The following DLG2 variants were observed in gnomAD, a reference collection of about 807,000 sequenced individuals.
DLG2 encodes discs large MAGUK scaffold protein 2.
Under a neutral mutation model 132.5 loss-of-function variants are expected in DLG2, and 45 were observed. That is an observed-to-expected ratio of 0.34 (90% confidence interval 0.27 to 0.44). The LOEUF (loss-of-function observed/expected upper bound fraction) is 0.44, where lower values mean the gene tolerates loss of function less well. Among genes scored for constraint, DLG2 ranks in the 20% least tolerant of loss-of-function variants. The pLI is 1.00. For synonymous variants in DLG2, 424 were observed against 419.6 expected, an observed-to-expected ratio of 1.01 and a Z score of -0.13; for missense variants, 1,045 against 1,196.9, an observed-to-expected ratio of 0.87 and a Z score of 1.87.
intron 6 of DLG2, among the ~76,000 whole-genome samples, chr11:84,986,196 A>G (rs116851856): frequency 0.02 from 2,982 of 152,142 alleles, 54 homozygotes; most frequent in Admixed American, 0.042. Context: ...ATAAACTAGA[A>G]AACCTAGAGA....
chr11:84,922,702 G>A (rs1342676181), intron 6 of DLG2, among the ~76,000 whole-genome samples: 2 of 152,094 alleles, frequency 1.3e-5, no homozygotes, highest in Non-Finnish European at 2.9e-5. Flanking sequence ...AACACAGGAA[G>A]CTCACAGCAC....
At chr11:85,416,826 C>T (rs995159521) in intron 3 of DLG2, among the ~76,000 whole-genome samples, 2 of 152,136 alleles carry the variant, frequency 1.3e-5, no homozygotes, top group African/African-American at 2.4e-5. Context: ...TGCTTATGAG[C>T]ATAAAGAGCT....
At chr11:83,977,495 T>G (rs906580022) in intron 12 of DLG2, among the ~76,000 whole-genome samples, 1 of 152,198 alleles carries the variant, frequency 6.6e-6, no homozygotes, top group Admixed American at 6.6e-5. Flanking sequence ...TGTTTGCACA[T>G]ACACCAAGGA....
intron 10 of DLG2, among the ~76,000 whole-genome samples, chr11:84,076,687 C>A (rs1004803606): frequency 6.6e-6 from 1 of 152,300 alleles, no homozygotes; most frequent in Non-Finnish European, 1.5e-5. Flanking sequence ...ACTGCCCCTT[C>A]CAGAAGTTAG....
chr11:83,486,240 A>T (rs2093493422), intron 21 of DLG2: 3 of 690,974 alleles, frequency 4.3e-6, no homozygotes, highest in Non-Finnish European at 7.9e-6. Context: ...AAGCATATTT[A>T]AACTCCAGTA....
At chr11:83,994,396 A>T (rs1425732911) in intron 11 of DLG2, among the ~76,000 whole-genome samples, 2 of 152,058 alleles carry the variant, frequency 1.3e-5, no homozygotes, top group Non-Finnish European at 2.9e-5. Flanking sequence ...TTGAAAACTA[A>T]TTTTTTATTT....
chr11:85,111,822 T>C, intron 5 of DLG2, 87 bp from the exon 6 acceptor site: 1 of 969,704 alleles, frequency 1.0e-6, no homozygotes. Context: ...TATCAATATG[T>C]TTATTACCTT....
intron 22 of DLG2, chr11:83,480,304 T>C: frequency 8.0e-7 from 1 of 1,253,002 alleles, no homozygotes; most frequent in Non-Finnish European, 1.1e-6. Context: ...AACAGAAATC[T>C]GAAATGACCA....
At chr11:83,719,095 C>A (rs943036347) in intron 18 of DLG2, among the ~76,000 whole-genome samples, 5 of 152,186 alleles carry the variant, frequency 3.3e-5, no homozygotes, top group Non-Finnish European at 5.9e-5. Context: ...CCCTGCACAG[C>A]CAGAACTGAG....
intron 6 of DLG2, among the ~76,000 whole-genome samples, chr11:84,958,054 G>A (rs921437828): frequency 6.6e-6 from 1 of 152,016 alleles, no homozygotes; most frequent in Non-Finnish European, 1.5e-5. Context: ...TTTCTGGGGT[G>A]TTATAAAAAT....
At chr11:83,475,139 C>T (rs897140114) in intron 22 of DLG2, among the ~76,000 whole-genome samples, 1 of 152,112 alleles carries the variant, frequency 6.6e-6, no homozygotes, top group Non-Finnish European at 1.5e-5. Flanking sequence ...CTGTGTAATA[C>T]CCAGGAAGCC....
intron 21 of DLG2, among the ~76,000 whole-genome samples, chr11:83,498,875 A>G (rs1183241643): frequency 1.3e-5 from 2 of 152,024 alleles, no homozygotes; most frequent in Admixed American, 1.3e-4. Context: ...AAAAGAAGAG[A>G]TATTATTATT....
intron 15 of DLG2, among the ~76,000 whole-genome samples, chr11:83,875,485 T>C (rs991792623): frequency 6.6e-6 from 1 of 152,148 alleles, no homozygotes; most frequent in African/African-American, 2.4e-5. Flanking sequence ...TCTAGAGTCA[T>C]TTTAAATTCT....
chr11:84,957,578 C>G (rs1358338748), intron 6 of DLG2, among the ~76,000 whole-genome samples: 1 of 152,128 alleles, frequency 6.6e-6, no homozygotes, highest in African/African-American at 2.4e-5. Flanking sequence ...GTTTTCCTCA[C>G]CCTCTCAGGC....
At chr11:83,513,745 A>T in intron 21 of DLG2, among the ~76,000 whole-genome samples, 1 of 152,188 alleles carries the variant, frequency 6.6e-6, no homozygotes, top group East Asian at 1.9e-4. Flanking sequence ...CTTTCTACAT[A>T]TGGCTAGCCA....
chr11:84,533,237 G>C (rs2099347097), intron 7 of DLG2, among the ~76,000 whole-genome samples: 1 of 152,192 alleles, frequency 6.6e-6, no homozygotes, highest in Non-Finnish European at 1.5e-5. Context: ...TATGCACAGT[G>C]GATCTGCTTC....
At chr11:84,051,929 G>A (rs775612925) in intron 11 of DLG2, among the ~76,000 whole-genome samples, 4 of 151,736 alleles carry the variant, frequency 2.6e-5, no homozygotes, top group African/African-American at 4.8e-5. Context: ...AAAAAAGGAC[G>A]TCCAAGGCCT....
intron 9 of DLG2, among the ~76,000 whole-genome samples, chr11:84,152,340 G>T (rs1266957246): frequency 2.0e-5 from 3 of 148,422 alleles, no homozygotes; most frequent in African/African-American, 4.9e-5. Context: ...CTGTTTGTTT[G>T]TTTGTTTTTT....
At chr11:85,406,438 G>C (rs986480722) in intron 3 of DLG2, among the ~76,000 whole-genome samples, 1 of 149,792 alleles carries the variant, frequency 6.7e-6, no homozygotes, top group Admixed American at 6.7e-5. Context: ...AATACTGAAA[G>C]CACATTCAAA....
Sources: gnomAD v4.1 joint callset for allele counts (sites outside exome capture counted in the v4.1 genomes callset) on GRCh38, gnomAD v4.1.1 for gene constraint, MANE v1.5 for transcripts, NCBI Gene and HGNC (gene_info 2026-07-23, HGNC 2026-07-21) for gene names.